The following INPP5D variants were observed in gnomAD, a reference collection of about 807,000 sequenced individuals.
INPP5D encodes the protein phosphatidylinositol 3,4,5-trisphosphate 5-phosphatase 1.
Under a neutral mutation model 122.9 loss-of-function variants are expected in INPP5D, and 33 were observed. The ratio of observed to expected loss-of-function variants is 0.27; its 90% CI spans 0.20 to 0.36. The LOEUF (loss-of-function observed/expected upper bound fraction) is 0.36, where lower values mean the gene tolerates loss of function less well. Ranked by LOEUF, INPP5D falls within the 10% of genes least tolerant of loss-of-function variation. The pLI is 1.00. For synonymous variants in INPP5D, 584 were observed against 576.2 expected (o/e 1.01, Z -0.19); for missense variants, 1,053 against 1,412.7 (o/e 0.75, Z 4.08).
chr2:233,204,685 C>G lies in INPP5D; in HGVS notation c.3535C>G (p.Pro1179Ala), dbSNP rs1474436295. 11 of 1,559,360 alleles carry G rather than the reference C, an allele frequency of 7.1e-6. No homozygotes were observed. Among genetic ancestry groups the G allele is most frequent in the Non-Finnish European group, 4.3e-6 (5 of 1,154,942 alleles). ...HHGKHRPEEG[P>A]PGPLGRTAMQ The stretch of plus-strand genomic sequence containing the variant: ...CGGCAAGCACCGGCCGGAGGAGGGG[C>G]CACCAGGGCCTCTAGGCAGGACTGC... Residue 1179 changes from proline (P) to alanine (A), a missense_variant, in exon 26 of 27, where the codon CCA becomes GCA. This residue lies in a region of INPP5D where 417 missense variants were observed against 425.8 expected (regional missense o/e 0.98). Coordinates refer to ENST00000445964, the MANE Select transcript of INPP5D (RefSeq NM_001017915.3).
At position 233,193,882 on chromosome 2, in the gene INPP5D, C is replaced by T. The variant is rs1162383293; in HGVS notation, c.2517C>T (p.His839=). ...TQLPIYTPLT[H]HGELTGHFQG... ...TGCCCATCTACACGCCTCTCACCCA[C>T]CATGGGGAGTTGACAGGCCACTTCC... Residue 839 remains histidine, a synonymous_variant, in exon 23 of 27, where the codon CAC becomes CAT. Coordinates refer to ENST00000445964, the MANE Select transcript of INPP5D (RefSeq NM_001017915.3). The T allele has an allele frequency of 6.2e-7, 1 of 1,614,004 alleles. No homozygotes were observed. Among genetic ancestry groups the T allele is most frequent in the Non-Finnish European group, 8.5e-7 (1 of 1,179,892 alleles).
intron 2 of INPP5D, among the ~76,000 whole-genome samples, chr2:233,083,134 C>T (rs1285013229): frequency 2.6e-5 from 4 of 152,208 alleles, no homozygotes; most frequent in Non-Finnish European, 4.4e-5. Flanking sequence ...ATTTGGTCAG[C>T]GATGTGGCCT....
intron 18 of INPP5D, among the ~76,000 whole-genome samples, chr2:233,179,639 G>A (rs1013555597): frequency 6.6e-6 from 1 of 152,186 alleles, no homozygotes; most frequent in Non-Finnish European, 1.5e-5. Flanking sequence ...GGGGAGGGCT[G>A]GGTTTGGGAG....
At chr2:233,061,343 C>T (rs1294523527) in intron 1 of INPP5D, among the ~76,000 whole-genome samples, 1 of 151,936 alleles carries the variant, frequency 6.6e-6, no homozygotes, top group Non-Finnish European at 1.5e-5. Context: ...CTGAAGGTTC[C>T]TTTCTAAAAC....
chr2:233,181,201 G>C (rs1694774974), intron 18 of INPP5D, among the ~76,000 whole-genome samples: 1 of 151,434 alleles, frequency 6.6e-6, no homozygotes, highest in African/African-American at 2.4e-5. Flanking sequence ...TAGTAAGTGA[G>C]CTTTTTTTCT....
intron 2 of INPP5D, among the ~76,000 whole-genome samples, chr2:233,112,961 A>G (rs1044729818): frequency 5.3e-5 from 8 of 152,046 alleles, no homozygotes. Flanking sequence ...CCTGACCGGT[A>G]TTTACCTGTA....
rs1694266308 is a variant in INPP5D, at chr2:233,164,188, G to A, written c.1438-119G>A. 1.4e-6 allele frequency: 2 copies of A among 1,442,394 alleles called. No homozygotes were observed. The highest frequency in any genetic ancestry group is 2.5e-5 in the East Asian group (1 of 40,010). The allele number at this position is 1,442,394 out of a possible 1,614,324, so 89.3% of individuals were successfully genotyped here. A position where few individuals can be genotyped will look rare whatever the true frequency, so the allele number is the denominator to read the frequency against. ...ATCGCTGGGAGTCCCCCGAAGGGTT[G>A]GGATTACAGACAGGATACCCCATAC... On this transcript the variant is annotated intron_variant, in intron 12 of 26. Coordinates refer to ENST00000445964, the MANE Select transcript of INPP5D (RefSeq NM_001017915.3). The surrounding 1 kb of genome is among the most constrained non-coding windows in gnomAD (Gnocchi z 4.3).
chr2:233,177,198 G>A lies in INPP5D; in HGVS notation c.1990-67G>A. ...GATTACAGAGGCCACCAGTTAATCT[G>A]TTCTTTTACTGATTAAAAAAATAAT... On this transcript the variant is annotated intron_variant, in intron 17 of 26. Coordinates refer to ENST00000445964, the MANE Select transcript of INPP5D (RefSeq NM_001017915.3). The surrounding 1 kb of genome is among the most constrained non-coding windows in gnomAD (Gnocchi z 4.2). 1.3e-6 allele frequency: 2 copies of A among 1,599,638 alleles called. No individual in the cohort carries two copies. Among genetic ancestry groups the A allele is most frequent in the Non-Finnish European group, 1.7e-6 (2 of 1,170,426 alleles).
intron 1 of INPP5D, among the ~76,000 whole-genome samples, chr2:233,061,277 T>C (rs4074287): frequency 1.5e-5 from 2 of 136,528 alleles, no homozygotes; most frequent in African/African-American, 2.8e-5. Flanking sequence ...CACTGCCCGG[T>C]TGGGGATGTT....
Position 233,204,258 on chromosome 2 carries a change from C to A in INPP5D, c.3108C>A (p.Asp1036Glu). ...SSFPKPAPRKDQESPKMPRKE... is the reference protein window; with the variant it reads ...SSFPKPAPRKEQESPKMPRKE... ...TCCCTAAGCCTGCTCCCAGGAAGGACCAGGAATCCCCCAAAATGCCGCGGA... is the reference window on the plus strand; with the variant it reads ...TCCCTAAGCCTGCTCCCAGGAAGGAACAGGAATCCCCCAAAATGCCGCGGA... The change falls in exon 26 of 27, where the codon GAC (aspartate) becomes GAA (glutamate). Residue 1036 changes from aspartate to glutamate, a missense_variant. By Grantham distance (45) the Asp-to-Glu change is conservative. Coordinates refer to ENST00000445964, the MANE Select transcript of INPP5D (RefSeq NM_001017915.3). 1 of 1,613,538 alleles carries A rather than the reference C, an allele frequency of 6.2e-7. No individual in the cohort carries two copies. The highest frequency in any genetic ancestry group is 8.5e-7 in the Non-Finnish European group (1 of 1,179,850).
intron 6 of INPP5D, among the ~76,000 whole-genome samples, chr2:233,144,629 G>A (rs978005227): frequency 7.9e-5 from 9 of 113,292 alleles, no homozygotes; most frequent in Non-Finnish European, 1.7e-4. Flanking sequence ...GGTGGAGGTG[G>A]TTATGATCAT....
chr2:233,064,112 A>G (rs1236320293), intron 1 of INPP5D, among the ~76,000 whole-genome samples: 1 of 152,266 alleles, frequency 6.6e-6, no homozygotes, highest in Non-Finnish European at 1.5e-5. Context: ...CAATGTCAGT[A>G]TATAGGCTGC....
chr2:233,121,863 G>A (rs1692990096), intron 2 of INPP5D, among the ~76,000 whole-genome samples: 1 of 152,124 alleles, frequency 6.6e-6, no homozygotes, highest in Non-Finnish European at 1.5e-5. Context: ...TTTAAAAACG[G>A]AAAGAAAAAC....
Position 233,204,726 on chromosome 2 carries a change from C to G in INPP5D, c.3567+9C>G, listed in dbSNP as rs1018104907. The stretch of plus-strand genomic sequence containing the variant: ...GCAGGACTGCCATGCAGGTGCGCTG[C>G]GCCACACGTGGGTTCGTGTGCATTT... On this transcript the variant is annotated intron_variant, in intron 26 of 26. Transcript: ENST00000445964. 6.7e-7 allele frequency: 1 copy of G among 1,491,700 alleles called. No individual in the cohort carries two copies. The highest frequency in any genetic ancestry group is 1.4e-5 in the African/African-American group (1 of 71,760). The allele number at this position is 1,491,700 out of a possible 1,614,324, so 92.4% of individuals were successfully genotyped here.
intron 20 of INPP5D, among the ~76,000 whole-genome samples, chr2:233,185,480 CA>C (rs1029060725): frequency 2.6e-5 from 4 of 152,018 alleles, no homozygotes; most frequent in Non-Finnish European, 5.9e-5. Flanking sequence ...ATTAGAATTT[CA>C]AAAGGCTGCT....
At chr2:233,143,581 C>G (rs1366350547) in intron 6 of INPP5D, among the ~76,000 whole-genome samples, 2 of 152,242 alleles carry the variant, frequency 1.3e-5, no homozygotes, top group African/African-American at 4.8e-5. Context: ...TGAGTCTTAG[C>G]ACCACCTCTT....
At chr2:233,088,852 C>T (rs1228676283) in intron 2 of INPP5D, among the ~76,000 whole-genome samples, 1 of 152,150 alleles carries the variant, frequency 6.6e-6, no homozygotes, top group Non-Finnish European at 1.5e-5. Context: ...GACAGCAAGG[C>T]CATCCAAAGG....
At chr2:233,150,522 C>G (rs1282364290) in intron 9 of INPP5D, among the ~76,000 whole-genome samples, 1 of 151,026 alleles carries the variant, frequency 6.6e-6, no homozygotes, top group African/African-American at 2.4e-5. Flanking sequence ...GGGGTGGCCC[C>G]AACTTGGATA....
intron 2 of INPP5D, among the ~76,000 whole-genome samples, chr2:233,112,002 T>C (rs1191510392): frequency 2.0e-5 from 3 of 149,760 alleles, no homozygotes; most frequent in African/African-American, 7.4e-5. Context: ...AGGTTGAGGC[T>C]GCCATGAGCT....
Sources: allele counts gnomAD v4.1 joint callset (sites outside exome capture counted in the v4.1 genomes callset), GRCh38; gene constraint gnomAD v4.1.1; regional missense constraint gnomAD v4.1.1; non-coding constraint Gnocchi (gnomAD v3.1); transcripts MANE v1.5; gene names NCBI Gene and HGNC (gene_info 2026-07-23, HGNC 2026-07-21).